The following CDH8 variants were observed in gnomAD, a reference collection of about 807,000 sequenced individuals.
CDH8 encodes the protein cadherin 8.
A neutral mutation model predicts 68.1 loss-of-function variants in CDH8; 17 were observed. The observed-to-expected ratio is 0.25, with a 90% CI of 0.17 to 0.37. The LOEUF is 0.37. Ranked by LOEUF, CDH8 falls within the 10% of genes least tolerant of loss-of-function variation. The probability of loss-of-function intolerance (pLI) is 1.00; values close to 1 mark genes in which losing one functional copy is unlikely to be tolerated. For missense variants in CDH8, 763 were observed against 999.3 expected, an observed-to-expected ratio of 0.76 and a Z score of 3.19; for synonymous variants, 372 against 365.1, an observed-to-expected ratio of 1.02 and a Z score of -0.21.
intron 10 of CDH8, among the ~76,000 whole-genome samples, chr16:61,657,717 G>A (rs1963475922): frequency 6.6e-6 from 1 of 151,996 alleles, no homozygotes; most frequent in South Asian, 2.1e-4. Context: ...TGTTCTTCAA[G>A]GAACAATTAA....
intron 1 of CDH8, among the ~76,000 whole-genome samples, chr16:62,025,217 G>A (rs1412908726): frequency 6.6e-6 from 1 of 152,146 alleles, no homozygotes. Context: ...TAGGATCTCT[G>A]AATGAATCAG....
chr16:61,779,166 G>T (rs563266140), intron 8 of CDH8, among the ~76,000 whole-genome samples: 1 of 152,090 alleles, frequency 6.6e-6, no homozygotes, highest in Admixed American at 6.6e-5. Context: ...GGTACAGAGT[G>T]TCAGAGAGTT....
chr16:62,015,893 A>G (rs533375655), intron 2 of CDH8, among the ~76,000 whole-genome samples: 1 of 152,280 alleles, frequency 6.6e-6, no homozygotes, highest in South Asian at 2.1e-4. Flanking sequence ...GATCTTAAAG[A>G]TTACCAACCT....
At position 61,654,034 on chromosome 16, in the gene CDH8, T is replaced by A. The variant is rs1047453053; in HGVS notation, c.1974A>T (p.Glu658Asp). 7 of 1,614,024 alleles carry A rather than the reference T, an allele frequency of 4.3e-6. No homozygotes were observed. The highest frequency in any genetic ancestry group is 5.9e-6 in the Non-Finnish European group (7 of 1,179,994). Residue 658 changes from glutamate to aspartate, a missense_variant, in exon 12 of 12, where the codon GAA (glutamate) becomes GAT (aspartate). By Grantham distance (45) the Glu-to-Asp change is conservative (BLOSUM62 2). Coordinates refer to ENST00000577390, the MANE Select transcript of CDH8 (RefSeq NM_001796.5). ...AGCGAATGATGTTTTCTCGAACGTC[T>A]TCATCATCTTTGATAATTAATGGTT... ...KNEPLIIKDD[E>D]DVRENIIRYD...
At chr16:62,032,787 A>C (rs928360568) in intron 1 of CDH8, among the ~76,000 whole-genome samples, 3 of 152,192 alleles carry the variant, frequency 2.0e-5, no homozygotes, top group Non-Finnish European at 4.4e-5. Context: ...TGCATGGAAA[A>C]TCTGCTCAAA....
rs548909736 is a variant in CDH8 at position 61,817,510 on chromosome 16, G to A, written c.1246C>T (p.Arg416Cys). The A allele has an allele frequency of 5.6e-6, 9 of 1,613,814 alleles. No homozygotes were observed. Among genetic ancestry groups the A allele is most frequent in the East Asian group, 4.5e-5 (2 of 44,854 alleles). ...GGACTGGAAGTGATATCAGGGTCAC[G>A]AGCAGTCACTTGCCCAATCACGGAG... is the stretch of plus-strand genomic sequence containing the variant. The part of the protein sequence containing the change: ...LNSVIGQVTA[R>C]DPDITSSPIR... The change falls in exon 7 of 12, where the codon CGT (arginine) becomes TGT (cysteine). Residue 416 changes from arginine (R) to cysteine (C), a missense_variant. Coordinates refer to ENST00000577390, the MANE Select transcript of CDH8 (RefSeq NM_001796.5).
At chr16:61,870,824 A>G (rs1963342250) in intron 3 of CDH8, among the ~76,000 whole-genome samples, 1 of 152,106 alleles carries the variant, frequency 6.6e-6, no homozygotes, top group Admixed American at 6.6e-5. Context: ...TCCATTGTCA[A>G]TTGCCTGTTT....
intron 3 of CDH8, among the ~76,000 whole-genome samples, chr16:61,875,862 G>C (rs1198383170): frequency 6.6e-6 from 1 of 152,046 alleles, no homozygotes; most frequent in Non-Finnish European, 1.5e-5. Flanking sequence ...AAATAGTTAG[G>C]TTTTCTTTTC....
chr16:61,798,712 A>G (rs1234780857), intron 7 of CDH8, among the ~76,000 whole-genome samples: 1 of 152,214 alleles, frequency 6.6e-6, no homozygotes, highest in Non-Finnish European at 1.5e-5. Flanking sequence ...AGGAAGTAAA[A>G]TAAACCAGGC....
At chr16:61,981,377 T>C (rs1965525621) in intron 2 of CDH8, among the ~76,000 whole-genome samples, 1 of 152,214 alleles carries the variant, frequency 6.6e-6, no homozygotes. Context: ...TTTCTCAATC[T>C]GTATCTCTCA....
chr16:61,981,467 CTCACCA>C (rs1567555043), intron 2 of CDH8, among the ~76,000 whole-genome samples: 1 of 152,130 alleles, frequency 6.6e-6, no homozygotes, highest in Non-Finnish European at 1.5e-5. Context: ...GATTTCTATA[CTCACCA>C]TCAATTAAAT....
In CDH8 at chr16:61,897,175, C is replaced by CA. The variant is rs564573487; in HGVS notation, c.547+4003dup. ...ATTATTGAAATGTCTACTCTATTAG[C>CA]AAAAACATTTTAGATGGAGAAATAT... is the stretch of plus-strand genomic sequence containing the variant. On this transcript the variant is annotated intron_variant, in intron 3 of 11. Coordinates refer to ENST00000577390, the MANE Select transcript of CDH8 (RefSeq NM_001796.5). Among the ~76,000 whole-genome samples the CA allele has an allele frequency of 4.5e-4, 68 of 151,198 alleles. 1 individual carries two copies. In the East Asian group the frequency reaches 0.012, roughly 27 times the overall value.
Position 61,653,996 on chromosome 16 carries a change from CCTT to C in CDH8, c.2009_2011del (p.Glu670del). On this transcript the variant is annotated inframe_deletion, in exon 12 of 12. Transcript: ENST00000577390. ...AGCCTCTGTGTCCTCCTCCCCTCCT[CCTT>C]CATCATCGTAGCGAATGATGTTTTC... The C allele has an allele frequency of 6.2e-7, 1 of 1,614,096 alleles. No individual in the cohort carries two copies. Among genetic ancestry groups the C allele is most frequent in the Non-Finnish European group, 8.5e-7 (1 of 1,179,976 alleles).
At chr16:61,925,914 G>GA (rs1964448723) in intron 2 of CDH8, among the ~76,000 whole-genome samples, 1 of 152,074 alleles carries the variant, frequency 6.6e-6, no homozygotes, top group African/African-American at 2.4e-5. Context: ...GAGAAAAGAG[G>GA]AAAAGATGGA....
At chr16:61,861,725 TG>T (rs1440062996) in intron 3 of CDH8, among the ~76,000 whole-genome samples, 2 of 152,230 alleles carry the variant, frequency 1.3e-5, no homozygotes, top group African/African-American at 4.8e-5. Context: ...ACTAGCTCTG[TG>T]TTCTTGGCCA....
chr16:62,029,767 A>G (rs1436569082), intron 1 of CDH8, among the ~76,000 whole-genome samples: 6 of 152,232 alleles, frequency 3.9e-5, no homozygotes, highest in African/African-American at 1.4e-4. Flanking sequence ...GTCTCTACTA[A>G]TTCCAAGATG....
chr16:61,825,167 G>A lies in CDH8; in HGVS notation c.680C>T (p.Thr227Ile). Residue 227 changes from threonine to isoleucine, a missense_variant, in exon 5 of 12, where the codon ACT (threonine) becomes ATT (isoleucine). Thr to Ile is a moderately conservative substitution (Grantham distance 89). This residue lies in a region of CDH8 where 366 missense variants were observed against 563.1 expected (regional missense o/e 0.65). Transcript: ENST00000577390. ...TTCTCTGTCCATGTTGGGAAGGGCA[G>A]TTTTTATAATAGCTGAGGGGGAAAA... is the stretch of plus-strand genomic sequence containing the variant. The part of the protein sequence containing the change: ...SIEPETAIIK[T>I]ALPNMDREAK... 6.2e-7 allele frequency: 1 copy of A among 1,601,086 alleles called. No individual in the cohort carries two copies. The highest frequency in any genetic ancestry group is 8.5e-7 in the Non-Finnish European group (1 of 1,175,840).
At chr16:61,837,832 G>A (rs1962599897) in intron 4 of CDH8, among the ~76,000 whole-genome samples, 1 of 151,958 alleles carries the variant, frequency 6.6e-6, no homozygotes. Context: ...GTGTGATTAT[G>A]CCCCAAGATA....
chr16:61,661,696 C>G (rs927733634), intron 10 of CDH8, among the ~76,000 whole-genome samples: 1 of 151,226 alleles, frequency 6.6e-6, no homozygotes, highest in South Asian at 2.1e-4. Flanking sequence ...AAAAGAAGAG[C>G]AAAATAAGCC....
Sources: gnomAD v4.1 joint callset for allele counts (sites outside exome capture counted in the v4.1 genomes callset) on GRCh38, gnomAD v4.1.1 for gene constraint, gnomAD v4.1.1 regional missense constraint, MANE v1.5 for transcripts, NCBI Gene and HGNC (gene_info 2026-07-23, HGNC 2026-07-21) for gene names.